The following NPR1 variants were observed in gnomAD, a reference collection of about 807,000 sequenced individuals.
NPR1 encodes the protein natriuretic peptide receptor 1.
NPR1 carries 57 observed loss-of-function variants against 116.9 expected under a neutral mutation model. The ratio of observed to expected loss-of-function variants is 0.49; its 90% CI spans 0.39 to 0.61. The LOEUF (loss-of-function observed/expected upper bound fraction) is 0.61. NPR1 is among the 20% of genes least tolerant of loss of function. NPR1 has a pLI of 0.00. For missense variants in NPR1, 1,096 were observed against 1,409.8 expected (o/e 0.78, Z 3.56); for synonymous variants, 555 against 601.6 (o/e 0.92, Z 1.13).
At chr1:153,681,382 T>A (rs1557960596) in intron 3 of NPR1, 89 bp downstream of exon 3, 8 of 784,060 alleles carry the variant, frequency 1.0e-5, no homozygotes, top group Non-Finnish European at 1.8e-5. Flanking sequence ...CTATTCCCAG[T>A]TCTCCCCTTC....
At chr1:153,687,877 C>A (rs1669975554) in intron 14 of NPR1, 88 bp downstream of exon 14, 1 of 1,384,144 alleles carries the variant, frequency 7.2e-7, no homozygotes, top group South Asian at 1.4e-5. Flanking sequence ...CACCACCACA[C>A]CTTCCTTCTG....
intron 5 of NPR1, 79 bp downstream of exon 5, chr1:153,682,668 G>C (rs1191674290): frequency 9.3e-7 from 1 of 1,071,770 alleles, no homozygotes; most frequent in African/African-American, 1.6e-5. Context: ...AGCCCTGCCA[G>C]GGCACCTGTT....
chr1:153,692,136 T>C (rs1032409128), intron 20 of NPR1, among the ~76,000 whole-genome samples: 2 of 152,274 alleles, frequency 1.3e-5, no homozygotes, highest in Admixed American at 6.5e-5. Context: ...ACAATTTACA[T>C]AGTGCTTCCT....
intron 19 of NPR1, 89 bp from the exon 20 acceptor site, chr1:153,690,195 G>T: frequency 2.1e-6 from 2 of 965,536 alleles, no homozygotes; most frequent in Non-Finnish European, 3.1e-6. Flanking sequence ...CCTGCCTCCT[G>T]CCTGTCTTGG....
intron 3 of NPR1, 151 bp from the exon 4 acceptor site, chr1:153,681,553 C>T (rs763896632): frequency 1.7e-5 from 14 of 801,052 alleles, no homozygotes; most frequent in Admixed American, 5.5e-5. Context: ...CCAAAGGCAT[C>T]GTTTAAATAG....
intron 14 of NPR1, 40 bp downstream of exon 14, chr1:153,687,829 C>T (rs1180871835): frequency 6.5e-7 from 1 of 1,540,558 alleles, no homozygotes; most frequent in Non-Finnish European, 8.8e-7. Context: ...GCCACAGTCT[C>T]AACGAACCCC....
chr1:153,688,197 G>T lies in NPR1; in HGVS notation c.2393G>T (p.Arg798Leu), dbSNP rs756510209. The change falls in exon 15 of 22, where the codon CGC (arginine) becomes CTC (leucine). Residue 798 changes from arginine (R) to leucine (L), a missense_variant. Physicochemically the swap from Arg to Leu is moderately radical, Grantham distance 102. Coordinates refer to ENST00000368680, the MANE Select transcript of NPR1 (RefSeq NM_000906.4). ...PQERPPFQQI[R>L]LTLRKFNREN... The stretch of plus-strand genomic sequence containing the variant: ...GAGAGGCCACCATTCCAGCAGATCC[G>T]CCTGACGTTGCGCAAATTTAACAGG... 6.2e-7 allele frequency: 1 copy of T among 1,613,654 alleles called. No homozygotes were observed.
At chr1:153,684,495 A>C (rs1669873829) in intron 7 of NPR1, among the ~76,000 whole-genome samples, 1 of 145,096 alleles carries the variant, frequency 6.9e-6, no homozygotes. Flanking sequence ...AGTTTCAAGC[A>C]ATTCTCCTGC....
Position 153,689,695 on chromosome 1 carries a change from G to C in NPR1, c.2758-111G>C. Reference sequence around the variant, plus strand: ...AGAGAACCCATGTGGGATGGGGGATGAGCAAAGACAGATGAGGGTACAGAA... The same window carrying C: ...AGAGAACCCATGTGGGATGGGGGATCAGCAAAGACAGATGAGGGTACAGAA... On this transcript the variant is annotated intron_variant, in intron 18 of 21. Transcript: ENST00000368680. The surrounding 1 kb of genome is among the most constrained non-coding windows in gnomAD (Gnocchi z 5.1). 7.7e-7 allele frequency: 1 copy of C among 1,298,224 alleles called. No homozygotes were observed. The highest frequency in any genetic ancestry group is 1.1e-6 in the Non-Finnish European group (1 of 943,386). 80.4% of individuals were successfully genotyped at this position (1,298,224 alleles called of 1,614,324 possible). A position where few individuals can be genotyped will look rare whatever the true frequency, so the allele number is the denominator to read the frequency against.
chr1:153,693,212 C>T lies in NPR1; in HGVS notation c.3123+15C>T. On this transcript the variant is annotated intron_variant, in intron 21 of 21. Coordinates refer to ENST00000368680, the MANE Select transcript of NPR1 (RefSeq NM_000906.4). ...TAGAAATGAAGGTAGAGGGAGAAGC[C>T]TCTGCCCTCCCCACCTTTTGGGGTC... is the stretch of plus-strand genomic sequence containing the variant. The T allele has an allele frequency of 1.2e-6, 2 of 1,612,418 alleles. No homozygotes were observed. The highest frequency in any genetic ancestry group is 1.7e-6 in the Non-Finnish European group (2 of 1,178,552).
At position 153,687,233 on chromosome 1, in the gene NPR1, T is replaced by G; in HGVS notation, c.1969T>G (p.Ser657Ala). ...MLFLHNGAIC[S>A]HGNLKSSNCV... The stretch of plus-strand genomic sequence containing the variant: ...GTTTCTACACAATGGGGCTATCTGT[T>G]CCCATGGGAACCTCAAGTCATCCAA... Residue 657 changes from serine (S) to alanine (A), a missense_variant, in exon 13 of 22, where the codon TCC (serine) becomes GCC (alanine). Transcript: ENST00000368680. 1.2e-6 allele frequency: 2 copies of G among 1,614,100 alleles called. No individual in the cohort carries two copies. Among genetic ancestry groups the G allele is most frequent in the Non-Finnish European group, 1.7e-6 (2 of 1,179,982 alleles).
intron 3 of NPR1, 64 bp from the exon 4 acceptor site, chr1:153,681,640 C>G (rs1669784159): frequency 6.4e-7 from 1 of 1,574,500 alleles, no homozygotes; most frequent in Non-Finnish European, 8.7e-7. Flanking sequence ...GTTCCCTTCC[C>G]CACAGCTCCC....
chr1:153,691,122 A>G (rs529252889), intron 20 of NPR1, among the ~76,000 whole-genome samples: 2 of 152,198 alleles, frequency 1.3e-5, no homozygotes, highest in South Asian at 2.1e-4. Context: ...GAAAAAATCT[A>G]TCTCACAGGA....
At position 153,684,969 on chromosome 1, in the gene NPR1, T is replaced by A. The variant is rs777117129; in HGVS notation, c.1490T>A (p.Met497Lys). The A allele has an allele frequency of 6.2e-7, 1 of 1,614,030 alleles. No homozygotes were observed. Among genetic ancestry groups the A allele is most frequent in the Non-Finnish European group, 8.5e-7 (1 of 1,179,964 alleles). ...LIVSFFIYRK[M>K]QLEKELASEL... ...ATGCAGCCTTCGTATCCCAGGAAGA[T>A]GCAGCTGGAGAAGGAACTGGCCTCG... Residue 497 changes from methionine to lysine, a missense_variant, in exon 8 of 22, where the codon ATG becomes AAG. Coordinates refer to ENST00000368680, the MANE Select transcript of NPR1 (RefSeq NM_000906.4).
At chr1:153,692,961 G>A (rs1670147424) in intron 20 of NPR1, 145 bp from the exon 21 acceptor site, 1 of 648,040 alleles carries the variant, frequency 1.5e-6, no homozygotes. Flanking sequence ...GGGCCCCTCT[G>A]AGCTAGAGGG....
In NPR1 at chr1:153,679,809, C is replaced by G; in HGVS notation, c.701C>G (p.Thr234Ser). Reference protein sequence around the residue: ...DLSHYTRLLRTMPRKGRVIYI... With the variant: ...DLSHYTRLLRSMPRKGRVIYI... The stretch of plus-strand genomic sequence containing the variant: ...AGCCACTACACCAGGCTGCTGCGGA[C>G]CATGCCGCGCAAAGGCCGAGGTGAG... Residue 234 changes from threonine (T) to serine (S), a missense_variant, in exon 1 of 22, where the codon ACC becomes AGC. Physicochemically the swap from Thr to Ser is moderately conservative, Grantham distance 58 (BLOSUM62 1). Coordinates refer to ENST00000368680, the MANE Select transcript of NPR1 (RefSeq NM_000906.4). This position sits in a 1 kb window ranked among gnomAD's most constrained non-coding sequence, Gnocchi z 4.2. The G allele has an allele frequency of 6.5e-7, 1 of 1,543,514 alleles. No homozygotes were observed. Among genetic ancestry groups the G allele is most frequent in the Non-Finnish European group, 8.7e-7 (1 of 1,148,894 alleles).
rs1201589425 is a variant in NPR1, at chr1:153,687,818, A to G, written c.2248+29A>G. On this transcript the variant is annotated intron_variant, in intron 14 of 21. Transcript: ENST00000368680. Reference sequence around the variant, plus strand: ...AGAGGAGCACACCTTCCTTAAACCCAGCCACAGTCTCAACGAACCCCAGCC... The same window carrying G: ...AGAGGAGCACACCTTCCTTAAACCCGGCCACAGTCTCAACGAACCCCAGCC... 3.2e-6 allele frequency: 5 copies of G among 1,552,390 alleles called. No homozygotes were observed. The South Asian group carries it at 6.0e-5, about 19-fold the overall frequency.
chr1:153,692,606 A>G (rs1481135528), intron 20 of NPR1, among the ~76,000 whole-genome samples: 2 of 150,084 alleles, frequency 1.3e-5, no homozygotes, highest in Non-Finnish European at 3.0e-5. Context: ...TCCGCCTCCC[A>G]GGTTCAAGCG....
In NPR1 at chr1:153,679,001, G is replaced by A; in HGVS notation, c.-108G>A. 1 of 1,297,034 alleles carries A rather than the reference G, an allele frequency of 7.7e-7. No homozygotes were observed. Among genetic ancestry groups the A allele is most frequent in the Non-Finnish European group, 9.9e-7 (1 of 1,007,050 alleles). The allele number at this position is 1,297,034 out of a possible 1,614,324, so 80.3% of individuals were successfully genotyped here. On this transcript the variant is annotated 5_prime_UTR_variant, in exon 1 of 22. Coordinates refer to ENST00000368680, the MANE Select transcript of NPR1 (RefSeq NM_000906.4). This position sits in a 1 kb window ranked among gnomAD's most constrained non-coding sequence, Gnocchi z 4.2. ...GGGTGAGCGTCCCCGTCCCGCTCCT[G>A]CTCCTTCCCATAGGGACGCGCCTGA...
Sources: allele counts gnomAD v4.1 joint callset (sites outside exome capture counted in the v4.1 genomes callset), GRCh38; gene constraint gnomAD v4.1.1; non-coding constraint Gnocchi (gnomAD v3.1); transcripts MANE v1.5; gene names NCBI Gene and HGNC (gene_info 2026-07-23, HGNC 2026-07-21).